The following GRID2 variants were observed in gnomAD, a reference collection of about 807,000 sequenced individuals.
GRID2 encodes glutamate receptor ionotropic, delta-2.
In GRID2, 33 loss-of-function variants were observed where a neutral mutation model predicts 114.8. The observed-to-expected ratio is 0.29, with a 90% confidence interval of 0.22 to 0.38. The LOEUF (loss-of-function observed/expected upper bound fraction) is 0.38, where lower values mean the gene tolerates loss of function less well. GRID2 is among the 10% of genes least tolerant of loss of function. The pLI is 1.00. For synonymous variants in GRID2, 505 were observed against 449.9 expected (o/e 1.12, Z -1.55); for missense variants, 1,184 against 1,257.7 (o/e 0.94, Z 0.89).
rs116943275 is a variant in GRID2, at chr4:93,788,028, C to T, written c.221+18578C>T. Among the ~76,000 whole-genome samples the T allele has an allele frequency of 2.9e-3, 448 of 152,168 alleles. No individual in the cohort carries two copies. The East Asian group carries it at 0.047, about 16-fold the overall frequency. On this transcript the variant is annotated intron_variant, in intron 1 of 1. Transcript: ENST00000637838. ...ACTAAGCAAGACATTGACAATGTAA[C>T]GCCTAAGGCTGGGCGCGGTGGCTCA...
intron 13 of GRID2, among the ~76,000 whole-genome samples, chr4:93,566,835 T>G (rs969352691): frequency 6.6e-6 from 1 of 152,180 alleles, no homozygotes; most frequent in African/African-American, 2.4e-5. Context: ...ATGAATTTTT[T>G]TATATATGCA....
intron 2 of GRID2, among the ~76,000 whole-genome samples, chr4:92,799,604 T>G (rs1022598715): frequency 1.6e-4 from 25 of 151,922 alleles, no homozygotes; most frequent in African/African-American, 5.6e-4. Context: ...TTTATACATT[T>G]CCTCTTCTTA....
chr4:93,096,904 C>T (rs75200987), intron 3 of GRID2, among the ~76,000 whole-genome samples: 3,238 of 152,064 alleles, frequency 0.021, 39 homozygotes, highest in Middle Eastern at 0.054. Context: ...CTGGAAGCAA[C>T]TCTAATGCCC....
rs542213349 is a variant in GRID2 at position 92,882,377 on chromosome 4, C to T, written c.245-202618C>T. 8.5e-5 allele frequency among the ~76,000 whole-genome samples: 13 copies of T among 152,204 alleles called. No individual in the cohort carries two copies. In the South Asian group the frequency reaches 1.2e-3, roughly 15 times the overall value. On this transcript the variant is annotated intron_variant, in intron 2 of 15. Coordinates refer to ENST00000282020, the MANE Select transcript of GRID2 (RefSeq NM_001510.4). ...AAGATAATTTGTTTTGTACAGAAAG[C>T]ATATTTTACAGATCTTAGGAAGCAA...
chr4:92,327,059 C>T (rs186027478), intron 1 of GRID2, among the ~76,000 whole-genome samples: 9 of 151,928 alleles, frequency 5.9e-5, no homozygotes, highest in East Asian at 5.8e-4. Context: ...TGCTGCCAGC[C>T]GTAAAAAATT....
intron 2 of GRID2, among the ~76,000 whole-genome samples, chr4:92,991,521 G>T (rs951852601): frequency 6.6e-6 from 1 of 152,152 alleles, no homozygotes; most frequent in Admixed American, 6.5e-5. Context: ...CACCCAAAGG[G>T]TAAATAGAAT....
At chr4:93,344,232 A>C (rs1759956610) in intron 8 of GRID2, among the ~76,000 whole-genome samples, 1 of 152,076 alleles carries the variant, frequency 6.6e-6, no homozygotes, top group Non-Finnish European at 1.5e-5. Context: ...CACTGTCATG[A>C]ATGGGGTATT....
At chr4:92,318,891 T>C (rs967459296) in intron 1 of GRID2, among the ~76,000 whole-genome samples, 2 of 152,132 alleles carry the variant, frequency 1.3e-5, no homozygotes, top group Non-Finnish European at 2.9e-5. Flanking sequence ...AACAGCATCT[T>C]TGAATCTTTG....
chr4:92,840,662 T>G (rs918588587), intron 2 of GRID2, among the ~76,000 whole-genome samples: 1 of 152,058 alleles, frequency 6.6e-6, no homozygotes, highest in African/African-American at 2.4e-5. Context: ...AAGCTTTCAT[T>G]GAGCAGCTTC....
intron 2 of GRID2, among the ~76,000 whole-genome samples, chr4:93,012,414 T>C (rs140736510): frequency 6.6e-6 from 1 of 152,166 alleles, no homozygotes; most frequent in Non-Finnish European, 1.5e-5. Context: ...TACATTTTGA[T>C]TATCCACACC....
intron 3 of GRID2, among the ~76,000 whole-genome samples, chr4:93,098,502 T>C (rs559662092): frequency 6.6e-6 from 1 of 152,102 alleles, no homozygotes; most frequent in South Asian, 2.1e-4. Flanking sequence ...ACCAGAAAGT[T>C]ATAAGAGGAG....
chr4:92,765,086 A>G (rs1429902548), intron 2 of GRID2, among the ~76,000 whole-genome samples: 1 of 152,180 alleles, frequency 6.6e-6, no homozygotes, highest in African/African-American at 2.4e-5. Flanking sequence ...GGCCTAAATG[A>G]TAGTTTTTAT....
intron 2 of GRID2, among the ~76,000 whole-genome samples, chr4:92,777,523 G>C (rs562305304): frequency 2.0e-5 from 3 of 151,978 alleles, no homozygotes; most frequent in Non-Finnish European, 4.4e-5. Flanking sequence ...CTCACCTCTT[G>C]ATGCATCGCT....
intron 2 of GRID2, among the ~76,000 whole-genome samples, chr4:92,914,685 C>T (rs1386478135): frequency 6.6e-6 from 1 of 152,156 alleles, no homozygotes; most frequent in East Asian, 1.9e-4. Context: ...ATTTTCTGTT[C>T]CTATATTAGT....
At chr4:92,925,308 A>G (rs547686043) in intron 2 of GRID2, among the ~76,000 whole-genome samples, 2 of 152,104 alleles carry the variant, frequency 1.3e-5, no homozygotes, top group African/African-American at 4.8e-5. Flanking sequence ...GAGTGAAGAG[A>G]ATCATTTCAG....
intron 1 of GRID2, among the ~76,000 whole-genome samples, chr4:92,335,847 T>G (rs1319735835): frequency 6.6e-6 from 1 of 152,192 alleles, no homozygotes; most frequent in African/African-American, 2.4e-5. Context: ...CATTGGTTTA[T>G]CTGATGCTTG....
intron 1 of GRID2, among the ~76,000 whole-genome samples, chr4:92,533,663 T>G (rs1376625725): frequency 6.6e-6 from 1 of 152,070 alleles, no homozygotes; most frequent in Non-Finnish European, 1.5e-5. Context: ...ATAACACATA[T>G]GAAGATGGAA....
chr4:93,676,764 A>G (rs567277600), intron 14 of GRID2, among the ~76,000 whole-genome samples: 78 of 151,536 alleles, frequency 5.1e-4, no homozygotes, highest in Middle Eastern at 6.8e-3. Context: ...AAAAAAAAAA[A>G]AAAGAAAGAA....
At chr4:92,720,388 T>A (rs1373829546) in intron 2 of GRID2, among the ~76,000 whole-genome samples, 2 of 152,050 alleles carry the variant, frequency 1.3e-5, no homozygotes, top group Non-Finnish European at 2.9e-5. Context: ...GGTAGACTAT[T>A]TAAAACATTA....
Sources: gnomAD v4.1 joint callset for allele counts (sites outside exome capture counted in the v4.1 genomes callset) on GRCh38, gnomAD v4.1.1 for gene constraint, MANE v1.5 for transcripts, NCBI Gene and HGNC (gene_info 2026-07-23, HGNC 2026-07-21) for gene names.